CAMTA1: variants seen among roughly 807,000 people sequenced by gnomAD.
CAMTA1 encodes calmodulin binding transcription activator 1.
CAMTA1 carries 27 observed loss-of-function variants against 170.9 expected under a neutral mutation model. The ratio of observed to expected loss-of-function variants is 0.16; its 90% CI spans 0.12 to 0.22. The LOEUF (loss-of-function observed/expected upper bound fraction) is 0.22. Among genes scored for constraint, CAMTA1 ranks in the 10% least tolerant of loss-of-function variants. The pLI is 1.00. For missense variants in CAMTA1, 1,619 were observed against 2,217.2 expected (o/e 0.73, Z 5.42); for synonymous variants, 833 against 891.5 (o/e 0.93, Z 1.17).
At chr1:7,008,982 C>G (rs1699405781) in intron 3 of CAMTA1, among the ~76,000 whole-genome samples, 1 of 152,254 alleles carries the variant, frequency 6.6e-6, no homozygotes, top group Non-Finnish European at 1.5e-5. Context: ...AGGAGCATCT[C>G]CTGGGCCAGG....
At chr1:6,960,676 C>A (rs1192411655) in intron 3 of CAMTA1, among the ~76,000 whole-genome samples, 1 of 152,204 alleles carries the variant, frequency 6.6e-6, no homozygotes, top group Non-Finnish European at 1.5e-5. Context: ...GTCTGTCTCT[C>A]CAGCTAGACA....
chr1:7,601,613 G>GAGCCGAGATCTAC (rs1553217907), intron 6 of CAMTA1, among the ~76,000 whole-genome samples: 13 of 152,222 alleles, frequency 8.5e-5, no homozygotes, highest in African/African-American at 3.1e-4. Flanking sequence ...AGGTTGTAGC[G>GAGCCGAGATCTAC]AGCCGAGATC....
intron 6 of CAMTA1, among the ~76,000 whole-genome samples, chr1:7,487,868 G>C (rs575398401): frequency 1.3e-5 from 2 of 152,118 alleles, no homozygotes; most frequent in African/African-American, 2.4e-5. Flanking sequence ...TGTTTCTGCT[G>C]AGCCCCTCGG....
intron 5 of CAMTA1, among the ~76,000 whole-genome samples, chr1:7,461,082 C>T (rs532178506): frequency 9.3e-4 from 141 of 152,276 alleles, no homozygotes; most frequent in Non-Finnish European, 1.8e-4. Context: ...CCCTGTCTGC[C>T]GCCCCCGCGG....
At chr1:6,917,858 G>A (rs974776046) in intron 3 of CAMTA1, among the ~76,000 whole-genome samples, 1 of 137,896 alleles carries the variant, frequency 7.3e-6, no homozygotes, top group African/African-American at 2.6e-5. Context: ...GGGCGGGGGG[G>A]GACATCTACA....
chr1:7,311,221 C>A (rs1241745005), intron 5 of CAMTA1, among the ~76,000 whole-genome samples: 1 of 152,220 alleles, frequency 6.6e-6, no homozygotes, highest in East Asian at 1.9e-4. Context: ...TCCTTTTCAT[C>A]TTCTTCTAAT....
At position 7,547,550 on chromosome 1, in the gene CAMTA1, T is replaced by G. The variant is rs2094714370; in HGVS notation, c.510+79649T>G. ...AAGAAATATTTACATAGCATTTACA[T>G]TGTTACTAGGTATTATAAGTAATCT... On this transcript the variant is annotated intron_variant, in intron 6 of 22. Transcript: ENST00000303635. The surrounding 1 kb of genome is among the most constrained non-coding windows in gnomAD (Gnocchi z 5.7). Among the ~76,000 whole-genome samples the G allele has an allele frequency of 6.6e-6, 1 of 152,194 alleles. No homozygotes were observed.
chr1:7,135,161 C>T (rs1038004658), intron 4 of CAMTA1, among the ~76,000 whole-genome samples: 7 of 152,156 alleles, frequency 4.6e-5, no homozygotes, highest in Admixed American at 1.3e-4. Flanking sequence ...CCGGGGCAGG[C>T]GGATCACCTG....
chr1:6,914,386 A>G (rs1181457186), intron 3 of CAMTA1, among the ~76,000 whole-genome samples: 2 of 152,094 alleles, frequency 1.3e-5, no homozygotes, highest in African/African-American at 4.8e-5. Context: ...ACAGGCGTGA[A>G]CCACCACACC....
At position 7,241,797 on chromosome 1, in the gene CAMTA1, T is replaced by G. The variant is rs114468593; in HGVS notation, c.303-7694T>G. Among the ~76,000 whole-genome samples the G allele has an allele frequency of 3.9e-3, 595 of 152,216 alleles. 6 individuals are homozygous for G. Among genetic ancestry groups the G allele is most frequent in the African/African-American group, 0.014 (562 of 41,534 alleles). ...CTTTATCTCACACCATATGCAAAAA[T>G]TCACTCAAAATGGATCATGACCTAA... is the stretch of plus-strand genomic sequence containing the variant. On this transcript the variant is annotated intron_variant, in intron 4 of 22. Transcript: ENST00000303635.
intron 5 of CAMTA1, among the ~76,000 whole-genome samples, chr1:7,254,865 C>T (rs1317908641): frequency 6.6e-6 from 1 of 152,124 alleles, no homozygotes; most frequent in Non-Finnish European, 1.5e-5. Flanking sequence ...ATGTATGGTG[C>T]CCAAATCAAG....
intron 3 of CAMTA1, among the ~76,000 whole-genome samples, chr1:6,853,894 C>CT (rs1339798962): frequency 6.6e-6 from 1 of 152,130 alleles, no homozygotes; most frequent in Admixed American, 6.5e-5. Flanking sequence ...CCTAAAAACA[C>CT]TATCTCAAAA....
chr1:7,640,311 C>T lies in CAMTA1; in HGVS notation c.511-89C>T, dbSNP rs2095750906. On this transcript the variant is annotated intron_variant, in intron 6 of 22. Coordinates refer to ENST00000303635, the MANE Select transcript of CAMTA1 (RefSeq NM_015215.4). ...AGAGCCGGGTGTCTGGGGCCTCAGT[C>T]TCTGCCTGCACCTGCGGGGTTGGGG... 3.4e-6 allele frequency: 5 copies of T among 1,460,784 alleles called. No individual in the cohort carries two copies. In the Admixed American group the frequency reaches 8.7e-5, roughly 26 times the overall value. The allele number at this position is 1,460,784 out of a possible 1,614,324, so 90.5% of individuals were successfully genotyped here. A position where few individuals can be genotyped will look rare whatever the true frequency, so the allele number is the denominator to read the frequency against.
intron 11 of CAMTA1, among the ~76,000 whole-genome samples, chr1:7,731,004 G>A (rs1416167792): frequency 3.3e-5 from 5 of 151,956 alleles, no homozygotes; most frequent in East Asian, 1.9e-4. Flanking sequence ...TATATGAAGC[G>A]AGCGTGGGCA....
intron 3 of CAMTA1, among the ~76,000 whole-genome samples, chr1:6,995,295 C>T (rs28757432): frequency 3.8e-3 from 233 of 60,628 alleles, no homozygotes; most frequent in African/African-American, 8.6e-3. Context: ...TTTTTCTTTT[C>T]TTTTTTTTTT....
At chr1:7,383,184 C>T (rs760436760) in intron 5 of CAMTA1, among the ~76,000 whole-genome samples, 1 of 152,238 alleles carries the variant, frequency 6.6e-6, no homozygotes, top group Middle Eastern at 3.4e-3. Flanking sequence ...GGGCTTCCTA[C>T]GCCATCAACA....
chr1:7,298,649 T>C (rs934351824), intron 5 of CAMTA1, among the ~76,000 whole-genome samples: 2 of 152,200 alleles, frequency 1.3e-5, no homozygotes, highest in African/African-American at 4.8e-5. Context: ...ACCACTTCTC[T>C]CTGGGGGAAT....
At chr1:7,668,431 ACC>A (rs1167418145) in intron 9 of CAMTA1, among the ~76,000 whole-genome samples, 7,863 of 123,030 alleles carry the variant, frequency 0.064, 251 homozygotes, top group Non-Finnish European at 0.081. Context: ...ACACACACAC[ACC>A]CACCACACAC....
rs185833255 is a variant in CAMTA1 at position 7,053,369 on chromosome 1, C to T, written c.235-37935C>T. Among the ~76,000 whole-genome samples, 11 of 152,318 alleles carry T rather than the reference C, an allele frequency of 7.2e-5. No individual in the cohort carries two copies. The East Asian group carries it at 9.6e-4, about 13-fold the overall frequency. On this transcript the variant is annotated intron_variant, in intron 3 of 22. Transcript: ENST00000303635. ...ACCATCATTAGTTCCGCTGTCTTCT[C>T]GCGGCGAGGTGTGATGCGGGAGCGT...
Sources: gnomAD v4.1 joint callset for allele counts (sites outside exome capture counted in the v4.1 genomes callset) on GRCh38, gnomAD v4.1.1 for gene constraint, Gnocchi (gnomAD v3.1) non-coding constraint, MANE v1.5 for transcripts, NCBI Gene and HGNC (gene_info 2026-07-23, HGNC 2026-07-21) for gene names.